The following HMCN1 variants were observed in gnomAD, a reference collection of about 807,000 sequenced individuals.
HMCN1 encodes the protein hemicentin-1.
Under a neutral mutation model 625.9 loss-of-function variants are expected in HMCN1, and 321 were observed. The observed-to-expected ratio is 0.51, with a 90% CI of 0.47 to 0.56. The LOEUF (loss-of-function observed/expected upper bound fraction) is 0.56, where lower values mean the gene tolerates loss of function less well. Among genes scored for constraint, HMCN1 ranks in the 20% least tolerant of loss-of-function variants. The pLI, the probability that HMCN1 is intolerant of heterozygous loss-of-function variation, is 0.00. For missense variants in HMCN1, 6,588 were observed against 6,887.3 expected (o/e 0.96, Z 1.54); for synonymous variants, 2,425 against 2,417.6 (o/e 1.00, Z -0.09).
chr1:186,103,876 C>G (rs934515786), intron 69 of HMCN1, among the ~76,000 whole-genome samples: 7 of 152,108 alleles, frequency 4.6e-5, no homozygotes, highest in Non-Finnish European at 7.4e-5. Flanking sequence ...CCGAAGAAAG[C>G]AAGATACCTT....
At chr1:185,749,214 T>C (rs960979508) in intron 1 of HMCN1, among the ~76,000 whole-genome samples, 2 of 152,210 alleles carry the variant, frequency 1.3e-5, no homozygotes, top group African/African-American at 4.8e-5. Context: ...CTATATACTA[T>C]TGGTGAAAGG....
intron 71 of HMCN1, 24 bp downstream of exon 71, chr1:186,108,621 A>G: frequency 6.2e-7 from 1 of 1,613,922 alleles, no homozygotes; most frequent in Non-Finnish European, 8.5e-7. Flanking sequence ...TAAGCTCCAC[A>G]AATTCCTTTT....
At chr1:185,954,218 C>T (rs1649454262) in intron 11 of HMCN1, among the ~76,000 whole-genome samples, 1 of 151,936 alleles carries the variant, frequency 6.6e-6, no homozygotes, top group African/African-American at 2.4e-5. Context: ...GGCCTGACAA[C>T]CCATAATGAA....
intron 30 of HMCN1, among the ~76,000 whole-genome samples, chr1:186,008,895 C>G (rs1458083745): frequency 2.0e-5 from 3 of 152,064 alleles, no homozygotes; most frequent in Non-Finnish European, 4.4e-5. Flanking sequence ...TTAAATGTTA[C>G]TGTCTTTATG....
At chr1:185,984,395 C>T (rs1267702453) in intron 19 of HMCN1, 82 bp downstream of exon 19, 16 of 1,286,676 alleles carry the variant, frequency 1.2e-5, no homozygotes, top group Admixed American at 1.7e-5. Context: ...AACTCTGTTC[C>T]TCTAATTACA....
chr1:186,019,544 C>T lies in HMCN1; in HGVS notation c.5474C>T (p.Pro1825Leu), dbSNP rs1442292644. ...TCTCCCCCTTCCTTAAATATAGTTC[C>T]TCCAACAATCAAGTCCTCAGGCCTT... ...KKEFEVTVHV[P>L]PTIKSSGLSE... is the part of the protein sequence containing the mutation. The change falls in exon 35 of 107, where the codon CCT (proline) becomes CTT (leucine). Residue 1825 changes from proline to leucine, a missense_variant. Transcript: ENST00000271588. 3.7e-6 allele frequency: 6 copies of T among 1,608,318 alleles called. No homozygotes were observed. Among genetic ancestry groups the T allele is most frequent in the African/African-American group, 1.3e-5 (1 of 74,740 alleles).
intron 1 of HMCN1, among the ~76,000 whole-genome samples, chr1:185,825,182 G>A (rs900097725): frequency 3.9e-5 from 6 of 151,978 alleles, no homozygotes; most frequent in Non-Finnish European, 8.8e-5. Flanking sequence ...GCTGAGGAGG[G>A]GTACTTCCAA....
chr1:186,069,815 A>G (rs370170958), intron 51 of HMCN1, 39 bp downstream of exon 51: 106 of 1,364,814 alleles, frequency 7.8e-5, no homozygotes, highest in Non-Finnish European at 1.0e-4. Flanking sequence ...TAGCTTCCCC[A>G]ATTTTTCTAA....
At chr1:185,796,025 C>T (rs1239882884) in intron 1 of HMCN1, among the ~76,000 whole-genome samples, 3 of 152,086 alleles carry the variant, frequency 2.0e-5, no homozygotes, top group African/African-American at 7.2e-5. Context: ...AGTGATAAAG[C>T]CTGGGCTATT....
At chr1:185,877,602 A>T (rs1664039549) in intron 4 of HMCN1, among the ~76,000 whole-genome samples, 1 of 151,742 alleles carries the variant, frequency 6.6e-6, no homozygotes, top group Non-Finnish European at 1.5e-5. Flanking sequence ...CGAGCACAGG[A>T]TGATTTTTGA....
rs1443739783 is a variant in HMCN1, at chr1:185,928,680, A to G, written c.1552+13A>G. On this transcript the variant is annotated intron_variant, in intron 10 of 106. Transcript: ENST00000271588. ...TTTGACGTATCAGGTAATTACCACT[A>G]ATTTCTTTGCAGTTGCCCAAGTATT... The G allele has an allele frequency of 6.2e-7, 1 of 1,612,590 alleles. No individual in the cohort carries two copies. Among genetic ancestry groups the G allele is most frequent in the Non-Finnish European group, 8.5e-7 (1 of 1,178,932 alleles).
rs1253813263 is a variant in HMCN1 at position 185,870,458 on chromosome 1, T to TA, written c.621+4596dup. ...CCTTTTTCCCACCTCCGCCAACTCA[T>TA]ATCCTGTAACATTCCCTTCCCTCGA... is the stretch of plus-strand genomic sequence containing the variant. On this transcript the variant is annotated intron_variant, in intron 4 of 106. Transcript: ENST00000271588. Among the ~76,000 whole-genome samples, 4 of 152,186 alleles carry TA rather than the reference T, an allele frequency of 2.6e-5. No individual in the cohort carries two copies. The East Asian group carries it at 7.7e-4, about 29-fold the overall frequency.
intron 97 of HMCN1, among the ~76,000 whole-genome samples, chr1:186,160,269 C>A (rs558094348): frequency 1.7e-4 from 25 of 144,284 alleles, no homozygotes; most frequent in African/African-American, 6.2e-4. Context: ...TGGTGATATC[C>A]CCTTTATCAT....
intron 97 of HMCN1, among the ~76,000 whole-genome samples, chr1:186,162,003 C>A (rs982301467): frequency 6.6e-6 from 1 of 152,180 alleles, no homozygotes; most frequent in African/African-American, 2.4e-5. Context: ...GGATAATATC[C>A]TGCAGAGTGT....
intron 4 of HMCN1, among the ~76,000 whole-genome samples, chr1:185,899,844 A>G (rs1048922757): frequency 6.6e-6 from 1 of 152,068 alleles, no homozygotes; most frequent in African/African-American, 2.4e-5. Flanking sequence ...CACAGAACCC[A>G]CTATTTGGTG....
At position 186,050,394 on chromosome 1, in the gene HMCN1, C is replaced by T. The variant is rs561893909; in HGVS notation, c.6577+1555C>T. Among the ~76,000 whole-genome samples, 15 of 151,614 alleles carry T rather than the reference C, an allele frequency of 9.9e-5. No homozygotes were observed. The Middle Eastern group carries it at 0.01, about 103-fold the overall frequency. On this transcript the variant is annotated intron_variant, in intron 42 of 106. Transcript: ENST00000271588. Reference sequence around the variant, plus strand: ...AAAGGAATGTATACAGAAGAGTACGCGATAGGATGGCTCTCAGGTGTACCA... The same window carrying T: ...AAAGGAATGTATACAGAAGAGTACGTGATAGGATGGCTCTCAGGTGTACCA...
chr1:185,835,170 T>A (rs1661092457), intron 1 of HMCN1, among the ~76,000 whole-genome samples: 2 of 152,180 alleles, frequency 1.3e-5, no homozygotes, highest in African/African-American at 2.4e-5. Context: ...AAGGAAGACT[T>A]GATAATAATC....
At chr1:186,150,746 GCAATGTAATAA>G (rs1650613411) in intron 93 of HMCN1, among the ~76,000 whole-genome samples, 1 of 151,988 alleles carries the variant, frequency 6.6e-6, no homozygotes, top group African/African-American at 2.4e-5. Flanking sequence ...CCACTGTCTA[GCAATGTAATAA>G]GGAGAAAGTT....
chr1:185,797,684 T>TATACTTTTATGTTCTTTTTATAATGGTG (rs1658486464), intron 1 of HMCN1, among the ~76,000 whole-genome samples: 1 of 147,592 alleles, frequency 6.8e-6, no homozygotes, highest in African/African-American at 2.7e-5. Flanking sequence ...AGACTTGTTT[T>TATACTTTTATGTTCTTTTTATAATGGTG]GGCCGGGCGC....
Sources: allele counts gnomAD v4.1 joint callset (sites outside exome capture counted in the v4.1 genomes callset), GRCh38; gene constraint gnomAD v4.1.1; transcripts MANE v1.5; gene names NCBI Gene and HGNC (gene_info 2026-07-23, HGNC 2026-07-21).